The following PSD3 variants were observed in gnomAD, a reference collection of about 807,000 sequenced individuals.
PSD3 encodes the protein PH and SEC7 domain-containing protein 3.
A neutral mutation model predicts 105.5 loss-of-function variants in PSD3; 49 were observed. The observed-to-expected ratio is 0.46, with a 90% CI of 0.37 to 0.59. The LOEUF (loss-of-function observed/expected upper bound fraction) is 0.59. PSD3 is among the 20% of genes least tolerant of loss of function. PSD3 has a pLI of 0.00. For missense variants in PSD3, 1,561 were observed against 1,263.8 expected, an observed-to-expected ratio of 1.24 and a Z score of -3.57; for synonymous variants, 557 against 457.8, an observed-to-expected ratio of 1.22 and a Z score of -2.77.
chr8:18,665,488 T>C (rs1394525887), intron 9 of PSD3, among the ~76,000 whole-genome samples: 2 of 152,206 alleles, frequency 1.3e-5, no homozygotes, highest in Non-Finnish European at 1.5e-5. Context: ...GCAAAGAAAG[T>C]AGTTTCCTGA....
chr8:18,879,078 A>ACACG (rs1390330802), intron 2 of PSD3, among the ~76,000 whole-genome samples: 4 of 150,426 alleles, frequency 2.7e-5, no homozygotes, highest in Non-Finnish European at 4.4e-5. Flanking sequence ...ACACACACAC[A>ACACG]CACACACACG....
At chr8:18,855,824 G>C (rs998045137) in intron 4 of PSD3, among the ~76,000 whole-genome samples, 1 of 152,216 alleles carries the variant, frequency 6.6e-6, no homozygotes, top group African/African-American at 2.4e-5. Flanking sequence ...AAGAGGAGAG[G>C]AGTTTGCAAT....
chr8:18,822,319 C>T (rs1812810761), intron 4 of PSD3, among the ~76,000 whole-genome samples: 1 of 152,154 alleles, frequency 6.6e-6, no homozygotes, highest in African/African-American at 2.4e-5. Flanking sequence ...TGTGTCCCAT[C>T]CAGTTCTCCA....
chr8:18,982,688 A>G (rs1381581610), intron 1 of PSD3, among the ~76,000 whole-genome samples: 1 of 152,204 alleles, frequency 6.6e-6, no homozygotes, highest in African/African-American at 2.4e-5. Flanking sequence ...AAGAGCAGTG[A>G]TATTCTGAAA....
chr8:18,565,053 G>A (rs959378790), intron 14 of PSD3, among the ~76,000 whole-genome samples: 11 of 152,334 alleles, frequency 7.2e-5, no homozygotes, highest in Non-Finnish European at 8.8e-5. Context: ...GGTAGGCACA[G>A]GTTCCTACAG....
chr8:18,945,687 A>G (rs576621373), intron 1 of PSD3, among the ~76,000 whole-genome samples: 1 of 152,352 alleles, frequency 6.6e-6, no homozygotes, highest in African/African-American at 2.4e-5. Flanking sequence ...ATAAAAAACC[A>G]TAAGTCAGCT....
chr8:18,831,512 C>T (rs1361643867), intron 4 of PSD3, among the ~76,000 whole-genome samples: 3 of 152,064 alleles, frequency 2.0e-5, no homozygotes, highest in Admixed American at 6.6e-5. Context: ...ACCCGAGGTC[C>T]GGAGTTTGAG....
At chr8:18,579,950 T>C (rs755795971) in intron 12 of PSD3, among the ~76,000 whole-genome samples, 3 of 152,206 alleles carry the variant, frequency 2.0e-5, no homozygotes, top group Admixed American at 1.3e-4. Flanking sequence ...TGAGACCACA[T>C]TGTTACTTGG....
At chr8:18,807,929 C>A (rs1445436530) in intron 4 of PSD3, among the ~76,000 whole-genome samples, 10 of 152,072 alleles carry the variant, frequency 6.6e-5, no homozygotes, top group Admixed American at 5.9e-4. Flanking sequence ...CACGGTGAGA[C>A]CCTCCTGTCT....
intron 1 of PSD3, among the ~76,000 whole-genome samples, chr8:19,007,573 T>C (rs1455293550): frequency 1.3e-5 from 2 of 152,036 alleles, no homozygotes; most frequent in African/African-American, 2.4e-5. Context: ...AGTTCACAAG[T>C]TCTGAGTTCT....
chr8:18,946,532 G>A (rs909380801), intron 1 of PSD3, among the ~76,000 whole-genome samples: 6 of 151,986 alleles, frequency 3.9e-5, no homozygotes, highest in African/African-American at 1.2e-4. Flanking sequence ...AGTGAGCTAT[G>A]ATTGTGCCAC....
intron 1 of PSD3, among the ~76,000 whole-genome samples, chr8:19,040,728 C>G (rs190564534): frequency 2.0e-5 from 3 of 152,244 alleles, no homozygotes; most frequent in Admixed American, 2.0e-4. Flanking sequence ...TATATTGGTG[C>G]AAGTGATGAG....
chr8:19,044,909 G>T (rs977667041), intron 1 of PSD3, among the ~76,000 whole-genome samples: 13 of 152,322 alleles, frequency 8.5e-5, no homozygotes, highest in African/African-American at 1.2e-4. Context: ...TCCAGGCTGG[G>T]CATGGCGGAT....
At chr8:18,953,675 C>T (rs767030108) in intron 1 of PSD3, among the ~76,000 whole-genome samples, 1 of 151,686 alleles carries the variant, frequency 6.6e-6, no homozygotes, top group Non-Finnish European at 1.5e-5. Context: ...CTTGAACCCA[C>T]GAGGCAGAGG....
In PSD3 at chr8:18,905,165, A is replaced by C. The variant is rs568687009; in HGVS notation, c.130+30869T>G. Reference sequence around the variant, plus strand: ...AACCATTACAAAAAGCTGCCTCTCCATTGGTCAACTCAGCATCCCCCCTAA... The same window carrying C: ...AACCATTACAAAAAGCTGCCTCTCCCTTGGTCAACTCAGCATCCCCCCTAA... On this transcript the variant is annotated intron_variant, in intron 2 of 15. Coordinates refer to ENST00000327040, the MANE Select transcript of PSD3 (RefSeq NM_015310.4). Among the ~76,000 whole-genome samples the C allele has an allele frequency of 2.5e-4, 38 of 152,248 alleles. No homozygotes were observed. In the South Asian group the frequency reaches 7.7e-3, roughly 31 times the overall value.
At chr8:18,749,959 T>A (rs1805338621) in intron 9 of PSD3, among the ~76,000 whole-genome samples, 2 of 152,162 alleles carry the variant, frequency 1.3e-5, no homozygotes, top group Non-Finnish European at 1.5e-5. Context: ...GACACAGTCC[T>A]GCCTAAATCT....
chr8:18,925,420 T>C (rs945996432), intron 2 of PSD3, among the ~76,000 whole-genome samples: 4 of 150,188 alleles, frequency 2.7e-5, no homozygotes, highest in East Asian at 2.0e-4. Flanking sequence ...CACACACACA[T>C]ATACATATAA....
chr8:18,624,816 C>T (rs1806363363), intron 11 of PSD3, among the ~76,000 whole-genome samples: 2 of 151,584 alleles, frequency 1.3e-5, no homozygotes, highest in Non-Finnish European at 1.5e-5. Context: ...TTTTTAAGTA[C>T]AATTTTAATA....
At chr8:18,707,663 TG>T (rs1801984756) in intron 9 of PSD3, among the ~76,000 whole-genome samples, 4 of 152,214 alleles carry the variant, frequency 2.6e-5, no homozygotes, top group African/African-American at 9.6e-5. Flanking sequence ...GTGGTACGGC[TG>T]GGATTCAGGG....
Sources: allele counts gnomAD v4.1 joint callset (sites outside exome capture counted in the v4.1 genomes callset), GRCh38; gene constraint gnomAD v4.1.1; transcripts MANE v1.5; gene names NCBI Gene and HGNC (gene_info 2026-07-23, HGNC 2026-07-21).